Variants in TEX9 observed in about 807,000 individuals in gnomAD.
The protein encoded by TEX9 is testis expressed 9, also known as testis-expressed protein 9.
Under a neutral mutation model 59.6 loss-of-function variants are expected in TEX9, and 74 were observed. That is an observed-to-expected ratio of 1.24 (90% CI 1.03 to 1.51). The LOEUF (loss-of-function observed/expected upper bound fraction) is 1.51, where lower values mean the gene tolerates loss of function less well. TEX9 is among the 40% of genes most tolerant of loss of function. The probability of loss-of-function intolerance (pLI) is 0.00; values close to 1 mark genes in which losing one functional copy is unlikely to be tolerated. For missense variants in TEX9, 522 were observed against 447.8 expected, an observed-to-expected ratio of 1.17 and a Z score of -1.49; for synonymous variants, 186 against 152.2, an observed-to-expected ratio of 1.22 and a Z score of -1.64.
At chr15:56,429,357 G>GACTT in intron 12 of TEX9, 1 of 554,686 alleles carries the variant, frequency 1.8e-6, no homozygotes, top group South Asian at 2.4e-5. Context: ...CAAAAAATAA[G>GACTT]ACTTTACATA....
At chr15:56,377,259 A>C (rs2047503535) in intron 3 of TEX9, among the ~76,000 whole-genome samples, 1 of 152,072 alleles carries the variant, frequency 6.6e-6, no homozygotes, top group African/African-American at 2.4e-5. Flanking sequence ...GTTCCATATA[A>C]ATTTTAGGAT....
intron 9 of TEX9, among the ~76,000 whole-genome samples, chr15:56,402,537 C>T (rs1190397352): frequency 1.3e-5 from 2 of 152,192 alleles, no homozygotes; most frequent in African/African-American, 4.8e-5. Context: ...GATGGATTCA[C>T]AGGCGAATTC....
At chr15:56,427,551 T>C in intron 10 of TEX9, 54 bp from the exon 11 acceptor site, 1 of 1,233,956 alleles carries the variant, frequency 8.1e-7, no homozygotes, top group Non-Finnish European at 1.1e-6. Flanking sequence ...TCTATAATTC[T>C]TTCCATTGAG....
At chr15:56,262,429 TG>T (rs1352262699) in intron 1 of TEX9, among the ~76,000 whole-genome samples, 1 of 152,242 alleles carries the variant, frequency 6.6e-6, no homozygotes, top group Non-Finnish European at 1.5e-5. Flanking sequence ...TTCTATTAGT[TG>T]GTTTTCAGGC....
chr15:56,373,193 C>T (rs561336705), intron 2 of TEX9, among the ~76,000 whole-genome samples: 4 of 152,080 alleles, frequency 2.6e-5, no homozygotes, highest in East Asian at 1.9e-4. Flanking sequence ...AGATAAGTTA[C>T]GTCACTTGAA....
At chr15:56,381,493 A>G (rs1425044424) in intron 3 of TEX9, among the ~76,000 whole-genome samples, 1 of 152,164 alleles carries the variant, frequency 6.6e-6, no homozygotes, top group Non-Finnish European at 1.5e-5. Flanking sequence ...TTGAAGAGTT[A>G]AGTACTGTAG....
intron 1 of TEX9, among the ~76,000 whole-genome samples, chr15:56,247,783 G>C (rs1424797535): frequency 6.6e-6 from 1 of 152,198 alleles, no homozygotes; most frequent in Non-Finnish European, 1.5e-5. Flanking sequence ...TGGTTTACCA[G>C]ATATGGAAAA....
At chr15:56,340,396 G>A (rs1006170928) in intron 1 of TEX9, among the ~76,000 whole-genome samples, 1 of 152,134 alleles carries the variant, frequency 6.6e-6, no homozygotes, top group Non-Finnish European at 1.5e-5. Context: ...ATCATTGGTT[G>A]TCAGTATTCA....
At chr15:56,280,554 G>A (rs983422812) in intron 1 of TEX9, among the ~76,000 whole-genome samples, 5 of 152,184 alleles carry the variant, frequency 3.3e-5, no homozygotes, top group African/African-American at 1.2e-4. Context: ...AAATGTGGTT[G>A]CTACAAATGA....
chr15:56,432,345 G>A (rs1464668874), intron 12 of TEX9, among the ~76,000 whole-genome samples: 1 of 152,122 alleles, frequency 6.6e-6, no homozygotes, highest in African/African-American at 2.4e-5. Flanking sequence ...TTTGGTGTAG[G>A]AAACTACCTC....
At chr15:56,452,171 G>A in the TEX9 span, among the ~76,000 whole-genome samples, 1 of 152,108 alleles carries the variant, frequency 6.6e-6, no homozygotes, top group African/African-American at 2.4e-5. Flanking sequence ...TTCACTAGGA[G>A]GATACAGGAC....
At position 56,439,804 on chromosome 15, in the gene TEX9, G is replaced by GA. The variant is rs112861090; in HGVS notation, c.*30-5857dup. On this transcript the variant is annotated intron_variant, in intron 12 of 12. Transcript: ENST00000352903. ...CACACACACACACACAAACCTTTAG[G>GA]AAAAAAAAAAGGAGAAATTCTTCAA... 5.1e-4 allele frequency among the ~76,000 whole-genome samples: 72 copies of GA among 141,244 alleles called. No individual in the cohort carries two copies. In the East Asian group the frequency reaches 5.9e-3, roughly 12 times the overall value. The allele number at this position is 141,244 out of a possible 152,430, so 92.7% of individuals were successfully genotyped here. A position where few individuals can be genotyped will look rare whatever the true frequency, so the allele number is the denominator to read the frequency against.
intron 1 of TEX9, among the ~76,000 whole-genome samples, chr15:56,257,785 T>G (rs1230772456): frequency 1.3e-5 from 2 of 152,174 alleles, no homozygotes; most frequent in Non-Finnish European, 2.9e-5. Flanking sequence ...CAGAGGCTCT[T>G]TAGTTTAATT....
intron 10 of TEX9, among the ~76,000 whole-genome samples, chr15:56,424,009 C>T (rs1384551384): frequency 1.3e-5 from 2 of 152,084 alleles, no homozygotes; most frequent in Non-Finnish European, 2.9e-5. Context: ...TCTAATTGGT[C>T]TATAATGTTG....
At chr15:56,257,322 T>C (rs959904330) in intron 1 of TEX9, among the ~76,000 whole-genome samples, 34 of 152,092 alleles carry the variant, frequency 2.2e-4, no homozygotes, top group African/African-American at 6.8e-4. Context: ...AATGAAATTG[T>C]TGGGCTGAAT....
intron 12 of TEX9, among the ~76,000 whole-genome samples, chr15:56,442,757 G>A (rs531174613): frequency 6.6e-6 from 1 of 152,228 alleles, no homozygotes; most frequent in East Asian, 1.9e-4. Flanking sequence ...TAGGAGGAGG[G>A]TGAGGATCAA....
At chr15:56,432,892 C>T (rs1461370104) in intron 12 of TEX9, among the ~76,000 whole-genome samples, 1 of 152,162 alleles carries the variant, frequency 6.6e-6, no homozygotes, top group Non-Finnish European at 1.5e-5. Context: ...CTTAGTCTTC[C>T]TCTAAATTCT....
At position 56,263,532 on chromosome 15, in the gene TEX9, C is replaced by T. The variant is rs537478825; in HGVS notation, c.-107+19254C>T. 5.3e-5 allele frequency among the ~76,000 whole-genome samples: 8 copies of T among 151,680 alleles called. No homozygotes were observed. In the East Asian group the frequency reaches 5.8e-4, roughly 11 times the overall value. On this transcript the variant is annotated intron_variant, in intron 1 of 5. Transcript: ENST00000560827. ...TTTATTTGATGTTTCTTTCTTTATT[C>T]GTTGTTCTTTAATTCAGGTTTATTG...
chr15:56,338,448 G>A (rs1360264640), intron 1 of TEX9, among the ~76,000 whole-genome samples: 1 of 152,194 alleles, frequency 6.6e-6, no homozygotes, highest in African/African-American at 2.4e-5. Flanking sequence ...GAATCTCATG[G>A]TCACGGATCC....
Sources: gnomAD v4.1 joint callset for allele counts (sites outside exome capture counted in the v4.1 genomes callset) on GRCh38, gnomAD v4.1.1 for gene constraint, MANE v1.5 for transcripts, NCBI Gene and HGNC (gene_info 2026-07-23, HGNC 2026-07-21) for gene names.